Variants in STX5 observed in about 807,000 individuals in gnomAD.
STX5 encodes the protein syntaxin-5.
A neutral mutation model predicts 42.9 loss-of-function variants in STX5; 15 were observed. That is an observed-to-expected ratio of 0.35 (90% confidence interval 0.23 to 0.54). The LOEUF (loss-of-function observed/expected upper bound fraction) is 0.54. Among genes scored for constraint, STX5 ranks in the 20% least tolerant of loss-of-function variants. The probability of loss-of-function intolerance (pLI) is 0.91; values close to 1 mark genes in which losing one functional copy is unlikely to be tolerated. For synonymous variants in STX5, 184 were observed against 173.2 expected, an observed-to-expected ratio of 1.06 and a Z score of -0.49; for missense variants, 430 against 455.0, an observed-to-expected ratio of 0.95 and a Z score of 0.50.
At chr11:62,826,283 C>T (rs896094223) in intron 5 of STX5, among the ~76,000 whole-genome samples, 1 of 149,914 alleles carries the variant, frequency 6.7e-6, no homozygotes, top group South Asian at 2.1e-4. Context: ...ATTGGCCTGG[C>T]GCGGTGGCTC....
At position 62,824,300 on chromosome 11, in the gene STX5, G is replaced by A. The variant is rs774316292; in HGVS notation, c.787-13C>T. 5 of 1,614,076 alleles carry A rather than the reference G, an allele frequency of 3.1e-6. No homozygotes were observed. The highest frequency in any genetic ancestry group is 2.7e-5 in the African/African-American group (2 of 74,932). ...GGATGTAGGAATCCTTCAGGAGAGG[G>A]AGAGAGCACATGAGCACCAACAGCT... On this transcript the variant is annotated splice_polypyrimidine_tract_variant and intron_variant, in intron 9 of 10. Transcript: ENST00000294179.
chr11:62,825,017 C>T lies in STX5; in HGVS notation c.679+19G>A, dbSNP rs914580674. ...AGTAACCTTACCTCCCAGGGCTCCCCGTTTTACCTGTGACTTACCCAGGTG... is the reference window on the plus strand; with the variant it reads ...AGTAACCTTACCTCCCAGGGCTCCCTGTTTTACCTGTGACTTACCCAGGTG... On this transcript the variant is annotated intron_variant, in intron 8 of 10. Transcript: ENST00000294179. 2 of 1,613,312 alleles carry T rather than the reference C, an allele frequency of 1.2e-6. No individual in the cohort carries two copies. Among genetic ancestry groups the T allele is most frequent in the Non-Finnish European group, 1.7e-6 (2 of 1,179,688 alleles).
chr11:62,827,430 A>G, intron 3 of STX5, 32 bp from the exon 4 acceptor site: 1 of 1,614,002 alleles, frequency 6.2e-7, no homozygotes. Context: ...ACTGTGGGAA[A>G]GGGCAGGACG....
chr11:62,821,665 C>T (rs761021654), intron 10 of STX5, among the ~76,000 whole-genome samples: 7 of 151,392 alleles, frequency 4.6e-5, no homozygotes, highest in Admixed American at 2.0e-4. Context: ...TGCAGTGAGG[C>T]GAGAGGTGCC....
At chr11:62,809,287 CAAAAAAAAAAA>C (rs1174325165) in intron 10 of STX5, among the ~76,000 whole-genome samples, 1 of 62,132 alleles carries the variant, frequency 1.6e-5, no homozygotes, top group Non-Finnish European at 3.4e-5. Flanking sequence ...GACTCCGTCT[CAAAAAAAAAAA>C]AAAAAAAAAA....
chr11:62,829,093 C>T (rs1475607985), intron 2 of STX5, among the ~76,000 whole-genome samples: 1 of 150,928 alleles, frequency 6.6e-6, no homozygotes, highest in Admixed American at 6.6e-5. Context: ...AACAAACAAA[C>T]ACAAACTGCT....
At chr11:62,809,930 T>C (rs2084598008) in intron 10 of STX5, among the ~76,000 whole-genome samples, 1 of 150,330 alleles carries the variant, frequency 6.7e-6, no homozygotes, top group Admixed American at 6.6e-5. Context: ...AGTGAAAACC[T>C]GTCTCTACTA....
rs1490601377 is a variant in STX5, at chr11:62,820,445, G to A, written c.908+3721C>T. On this transcript the variant is annotated intron_variant, in intron 10 of 10. Transcript: ENST00000294179. ...TCCCAGCACTTTTGGAGGCCAAGGT[G>A]GGGAGATCACTTGAGGCCAGCAGTA... 2.6e-5 allele frequency among the ~76,000 whole-genome samples: 4 copies of A among 151,734 alleles called. No homozygotes were observed. In the South Asian group the frequency reaches 8.3e-4, roughly 32 times the overall value.
intron 10 of STX5, among the ~76,000 whole-genome samples, chr11:62,816,293 A>G (rs954044478): frequency 1.3e-5 from 2 of 152,038 alleles, no homozygotes; most frequent in Non-Finnish European, 2.9e-5. Flanking sequence ...ATTTTAAAAA[A>G]TTTTTTAGAG....
rs750976106 is a variant in STX5 at position 62,827,389 on chromosome 11, C to T, written c.306G>A (p.Gly102=). Residue 102 remains glycine (G), a synonymous_variant, in exon 4 of 11, where the codon GGG becomes GGA. Coordinates refer to ENST00000294179, the MANE Select transcript of STX5 (RefSeq NM_003164.5). ...TGGCAAATGTGTTGCTAAGGTCTTT[C>T]CCAATGCGCCTGCAAATGACCACTA... ...SEFTLMAKRI[G]KDLSNTFAKL... 4 of 1,614,064 alleles carry T rather than the reference C, an allele frequency of 2.5e-6. No individual in the cohort carries two copies. The highest frequency in any genetic ancestry group is 1.3e-5 in the African/African-American group (1 of 74,924).
chr11:62,824,299 G>A lies in STX5; in HGVS notation c.787-12C>T, dbSNP rs768905481. The A allele has an allele frequency of 1.2e-6, 2 of 1,614,170 alleles. No homozygotes were observed. The highest frequency in any genetic ancestry group is 2.2e-5 in the East Asian group (1 of 44,888). On this transcript the variant is annotated splice_polypyrimidine_tract_variant and intron_variant, in intron 9 of 10. Transcript: ENST00000294179. ...TGGATGTAGGAATCCTTCAGGAGAG[G>A]GAGAGAGCACATGAGCACCAACAGC...
chr11:62,819,911 A>G (rs1399070988), intron 10 of STX5, among the ~76,000 whole-genome samples: 1 of 148,896 alleles, frequency 6.7e-6, no homozygotes, highest in Admixed American at 6.7e-5. Flanking sequence ...CATTTTGGCC[A>G]AGCAGGTCTC....
chr11:62,825,147 G>A (rs1176884633), intron 7 of STX5, 30 bp from the exon 8 acceptor site: 6 of 1,612,218 alleles, frequency 3.7e-6, no homozygotes, highest in Non-Finnish European at 5.1e-6. Context: ...CAAAGGACCT[G>A]AAGCCACTAG....
At chr11:62,815,110 C>T (rs887654089) in intron 10 of STX5, among the ~76,000 whole-genome samples, 1 of 151,366 alleles carries the variant, frequency 6.6e-6, no homozygotes, top group Non-Finnish European at 1.5e-5. Flanking sequence ...CAGGTTCAAG[C>T]GATTCTCCTG....
intron 10 of STX5, among the ~76,000 whole-genome samples, chr11:62,815,527 C>T (rs889007820): frequency 6.7e-6 from 1 of 150,100 alleles, no homozygotes; most frequent in Non-Finnish European, 1.5e-5. Context: ...GATAGGATAA[C>T]GGCGTGGTTT....
intron 10 of STX5, among the ~76,000 whole-genome samples, chr11:62,819,701 T>C (rs1025000086): frequency 1.3e-5 from 2 of 151,674 alleles, no homozygotes; most frequent in African/African-American, 2.4e-5. Context: ...CTTGTGTTTT[T>C]GTTTTTGTTT....
At chr11:62,824,609 C>A in intron 8 of STX5, 44 bp from the exon 9 acceptor site, 1 of 1,593,660 alleles carries the variant, frequency 6.3e-7, no homozygotes, top group Non-Finnish European at 8.6e-7. Context: ...CAGTTAAAAG[C>A]AGGTTCAAAG....
At chr11:62,817,140 G>C (rs508181) in intron 10 of STX5, among the ~76,000 whole-genome samples, 24,463 of 151,586 alleles carry the variant, frequency 0.16, 3,802 homozygotes, top group African/African-American at 0.41. Context: ...GTTGCCCAGG[G>C]TGGTCTTGAA....
At chr11:62,831,860 CCT>C (rs973323172) in intron 1 of STX5, 92 bp downstream of exon 1, 33 of 456,288 alleles carry the variant, frequency 7.2e-5, no homozygotes, top group Middle Eastern at 6.5e-4. Context: ...CCCGCTCGCC[CCT>C]GATTCCCTTC....
Sources: gnomAD v4.1 joint callset for allele counts (sites outside exome capture counted in the v4.1 genomes callset) on GRCh38, gnomAD v4.1.1 for gene constraint, MANE v1.5 for transcripts, NCBI Gene and HGNC (gene_info 2026-07-23, HGNC 2026-07-21) for gene names.